The following VIT variants were observed in gnomAD, a reference collection of about 807,000 sequenced individuals.
The protein encoded by VIT is vitrin.
VIT carries 99 observed loss-of-function variants against 78.0 expected under a neutral mutation model. The ratio of observed to expected loss-of-function variants is 1.27; its 90% CI spans 1.08 to 1.50. The LOEUF (loss-of-function observed/expected upper bound fraction) is 1.50, where lower values mean the gene tolerates loss of function less well. VIT is among the 40% of genes most tolerant of loss of function. VIT has a pLI of 0.00. For synonymous variants in VIT, 374 were observed against 334.3 expected (o/e 1.12, Z -1.29); for missense variants, 1,126 against 875.3 (o/e 1.29, Z -3.61).
chr2:36,791,408 G>T (rs896448811), intron 12 of VIT, among the ~76,000 whole-genome samples: 9 of 152,166 alleles, frequency 5.9e-5, no homozygotes, highest in Admixed American at 2.0e-4. Flanking sequence ...GCAAAATAAT[G>T]ACCCCGAAGT....
intron 6 of VIT, among the ~76,000 whole-genome samples, chr2:36,766,797 C>A (rs1468810): frequency 0.46 from 70,147 of 152,078 alleles, 18,502 homozygotes; most frequent in East Asian, 0.65. Context: ...GCTAGTGGTG[C>A]CAGGCAAATT....
At chr2:36,737,798 G>A (rs988917826) in intron 3 of VIT, among the ~76,000 whole-genome samples, 2 of 152,194 alleles carry the variant, frequency 1.3e-5, no homozygotes, top group Non-Finnish European at 2.9e-5. Context: ...CAACTTGTAA[G>A]TAATCCCCAG....
At chr2:36,805,731 T>C in intron 14 of VIT, 67 bp downstream of exon 14, 1 of 1,512,118 alleles carries the variant, frequency 6.6e-7, no homozygotes, top group Non-Finnish European at 9.0e-7. Context: ...TGTAACGCCG[T>C]TGCAGTGGTT....
intron 15 of VIT, among the ~76,000 whole-genome samples, chr2:36,811,936 G>A (rs918872571): frequency 1.1e-4 from 16 of 152,046 alleles, no homozygotes; most frequent in Admixed American, 9.2e-4. Context: ...TCAGCCTCCC[G>A]AAGTGCTGGG....
chr2:36,749,110 A>T (rs904148114), intron 4 of VIT, among the ~76,000 whole-genome samples: 1 of 152,222 alleles, frequency 6.6e-6, no homozygotes, highest in Non-Finnish European at 1.5e-5. Context: ...AGAGGAAGAG[A>T]ATTGTACTCT....
chr2:36,730,734 G>A (rs1475241089), intron 3 of VIT, among the ~76,000 whole-genome samples: 1 of 152,210 alleles, frequency 6.6e-6, no homozygotes, highest in African/African-American at 2.4e-5. Flanking sequence ...TGAAGGGTGA[G>A]GAGGGCTGAG....
At chr2:36,804,317 C>G (rs1262087718) in intron 13 of VIT, among the ~76,000 whole-genome samples, 1 of 152,220 alleles carries the variant, frequency 6.6e-6, no homozygotes, top group African/African-American at 2.4e-5. Flanking sequence ...CCCAACCAGA[C>G]CTGTGCCCTT....
intron 11 of VIT, among the ~76,000 whole-genome samples, chr2:36,784,227 G>T (rs143411913): frequency 6.6e-6 from 1 of 152,166 alleles, no homozygotes; most frequent in East Asian, 1.9e-4. Flanking sequence ...TGCATATTCC[G>T]CTAGAAAGTC....
chr2:36,761,802 G>C (rs1669140134), intron 6 of VIT, among the ~76,000 whole-genome samples: 1 of 152,054 alleles, frequency 6.6e-6, no homozygotes, highest in Non-Finnish European at 1.5e-5. Flanking sequence ...GGCCGTATCT[G>C]GACAGCAGGA....
At chr2:36,755,179 T>C (rs1319785561) in intron 5 of VIT, 125 bp downstream of exon 5, 8 of 1,100,678 alleles carry the variant, frequency 7.3e-6, no homozygotes. Context: ...CATTCGTTTT[T>C]CTGATAATTA....
chr2:36,758,413 C>T (rs1668897332), intron 5 of VIT, among the ~76,000 whole-genome samples: 2 of 152,112 alleles, frequency 1.3e-5, no homozygotes, highest in Admixed American at 6.5e-5. Context: ...TATTTTTTTC[C>T]CTAATAGACG....
chr2:36,701,190 A>C (rs1215503869), intron 1 of VIT, among the ~76,000 whole-genome samples: 1 of 151,998 alleles, frequency 6.6e-6, no homozygotes, highest in African/African-American at 2.4e-5. Flanking sequence ...TCACAGGGGA[A>C]GTTTTGTCAG....
intron 12 of VIT, among the ~76,000 whole-genome samples, chr2:36,799,351 C>T (rs1367628641): frequency 6.6e-6 from 1 of 152,172 alleles, no homozygotes; most frequent in African/African-American, 2.4e-5. Context: ...CTTGAGGTTC[C>T]CACCTGAAAC....
intron 1 of VIT, among the ~76,000 whole-genome samples, chr2:36,707,813 G>T (rs1458981469): frequency 2.0e-5 from 3 of 149,148 alleles, no homozygotes; most frequent in African/African-American, 7.4e-5. Context: ...AATTTCCCCT[G>T]CCTTCCTTAC....
Position 36,801,371 on chromosome 2 carries a change from A to G in VIT, c.1129A>G (p.Lys377Glu), listed in dbSNP as rs1241180521. 6 of 1,613,948 alleles carry G rather than the reference A, an allele frequency of 3.7e-6. No individual in the cohort carries two copies. The highest frequency in any genetic ancestry group is 5.1e-6 in the Non-Finnish European group (6 of 1,179,998). ...NSRDLKTAIEKITQRGGLSNV... is the reference protein window; with the variant it reads ...NSRDLKTAIEEITQRGGLSNV... ...TCGAGATCTGAAGACAGCCATAGAGAAAATTACTCAGAGAGGAGGACTTTC... is the reference window on the plus strand; with the variant it reads ...TCGAGATCTGAAGACAGCCATAGAGGAAATTACTCAGAGAGGAGGACTTTC... Residue 377 changes from lysine to glutamate, a missense_variant, in exon 13 of 16, where the codon AAA becomes GAA. Physicochemically the swap from Lys to Glu is moderately conservative, Grantham distance 56. Transcript: ENST00000379242.
At chr2:36,772,815 A>G (rs1669839829) in intron 7 of VIT, among the ~76,000 whole-genome samples, 2 of 152,358 alleles carry the variant, frequency 1.3e-5, no homozygotes, top group African/African-American at 2.4e-5. Flanking sequence ...CTCCAGTTCT[A>G]AGACAAATTG....
intron 1 of VIT, among the ~76,000 whole-genome samples, chr2:36,701,335 A>G (rs1173632181): frequency 6.6e-6 from 1 of 152,142 alleles, no homozygotes; most frequent in Non-Finnish European, 1.5e-5. Flanking sequence ...CCCTCTGTGT[A>G]GCCAGTCTCC....
chr2:36,795,265 G>A (rs185554487), intron 12 of VIT, among the ~76,000 whole-genome samples: 64 of 152,064 alleles, frequency 4.2e-4, no homozygotes, highest in African/African-American at 1.4e-3. Context: ...TTTTGGATAT[G>A]TGTAGAGGTG....
At chr2:36,788,919 C>A (rs186643254) in intron 12 of VIT, among the ~76,000 whole-genome samples, 41 of 152,102 alleles carry the variant, frequency 2.7e-4, no homozygotes, top group Non-Finnish European at 4.0e-4. Flanking sequence ...ACAAATGTTG[C>A]AGGGAAGGAA....
Sources: allele counts gnomAD v4.1 joint callset (sites outside exome capture counted in the v4.1 genomes callset), GRCh38; gene constraint gnomAD v4.1.1; transcripts MANE v1.5; gene names NCBI Gene and HGNC (gene_info 2026-07-23, HGNC 2026-07-21).